The following ARHGAP24 variants were observed in gnomAD, a reference collection of about 807,000 sequenced individuals.
The protein encoded by ARHGAP24 is rho GTPase-activating protein 24.
A neutral mutation model predicts 76.4 loss-of-function variants in ARHGAP24; 50 were observed. The ratio of observed to expected loss-of-function variants is 0.65; its 90% CI spans 0.52 to 0.83. The LOEUF (loss-of-function observed/expected upper bound fraction) is 0.83, where lower values mean the gene tolerates loss of function less well. Ranked by LOEUF, ARHGAP24 falls within the 40% of genes least tolerant of loss-of-function variation. The pLI is 0.00. For synonymous variants in ARHGAP24, 345 were observed against 323.3 expected (o/e 1.07, Z -0.72); for missense variants, 930 against 914.2 (o/e 1.02, Z -0.22).
At chr4:85,577,455 G>A (rs1225687622) in intron 2 of ARHGAP24, among the ~76,000 whole-genome samples, 1 of 152,138 alleles carries the variant, frequency 6.6e-6, no homozygotes, top group Non-Finnish European at 1.5e-5. Flanking sequence ...GACCAGACAT[G>A]GTAGTGGCCC....
intron 2 of ARHGAP24, among the ~76,000 whole-genome samples, chr4:85,595,351 A>G (rs561200782): frequency 2.6e-5 from 4 of 152,188 alleles, no homozygotes; most frequent in African/African-American, 9.6e-5. Flanking sequence ...CTAGAAAGTG[A>G]TAACATAAAG....
chr4:85,824,584 A>G (rs1729625067), intron 3 of ARHGAP24, among the ~76,000 whole-genome samples: 1 of 152,166 alleles, frequency 6.6e-6, no homozygotes, highest in Non-Finnish European at 1.5e-5. Flanking sequence ...CACTGATTGC[A>G]AATGTCGACC....
At chr4:85,595,024 A>C (rs1026002990) in intron 2 of ARHGAP24, among the ~76,000 whole-genome samples, 1 of 150,462 alleles carries the variant, frequency 6.6e-6, no homozygotes, top group Non-Finnish European at 1.5e-5. Context: ...TCCCTTCACC[A>C]TATTGCTATT....
intron 3 of ARHGAP24, among the ~76,000 whole-genome samples, chr4:85,818,500 A>G (rs1729337338): frequency 1.3e-5 from 2 of 152,214 alleles, no homozygotes; most frequent in Non-Finnish European, 2.9e-5. Flanking sequence ...TCTGAGGTCA[A>G]ATAGGTTCTT....
At chr4:85,789,066 G>C (rs1727994007) in intron 3 of ARHGAP24, among the ~76,000 whole-genome samples, 1 of 152,000 alleles carries the variant, frequency 6.6e-6, no homozygotes, top group South Asian at 2.1e-4. Flanking sequence ...CTCCAGCATA[G>C]GGTCTGGTCT....
At chr4:85,631,317 A>G (rs926839714) in intron 2 of ARHGAP24, among the ~76,000 whole-genome samples, 4 of 152,154 alleles carry the variant, frequency 2.6e-5, no homozygotes, top group Non-Finnish European at 4.4e-5. Flanking sequence ...AAAAGAGTCA[A>G]TTATTATGTT....
chr4:85,729,122 A>G (rs1725290544), intron 3 of ARHGAP24, among the ~76,000 whole-genome samples: 1 of 151,434 alleles, frequency 6.6e-6, no homozygotes, highest in Non-Finnish European at 1.5e-5. Context: ...AGCTGTGACA[A>G]TCTCTTTTTT....
At chr4:85,497,821 GA>G (rs1718293189) in intron 1 of ARHGAP24, among the ~76,000 whole-genome samples, 1 of 151,740 alleles carries the variant, frequency 6.6e-6, no homozygotes, top group Admixed American at 6.6e-5. Context: ...ACTCAGTCTG[GA>G]AAAAAACAAA....
chr4:85,634,857 C>T (rs1468217418), intron 2 of ARHGAP24, among the ~76,000 whole-genome samples: 6 of 151,760 alleles, frequency 4.0e-5, no homozygotes, highest in Admixed American at 3.3e-4. Context: ...ATTCTCTTTT[C>T]CTGTGATTAA....
chr4:85,530,996 C>T (rs1453783480), intron 1 of ARHGAP24, among the ~76,000 whole-genome samples: 1 of 151,974 alleles, frequency 6.6e-6, no homozygotes, highest in Non-Finnish European at 1.5e-5. Flanking sequence ...GTAATTTTCT[C>T]GAAACACAGA....
At chr4:85,532,524 C>A (rs1214478773) in intron 1 of ARHGAP24, among the ~76,000 whole-genome samples, 1 of 152,064 alleles carries the variant, frequency 6.6e-6, no homozygotes, top group Non-Finnish European at 1.5e-5. Flanking sequence ...TGGTATTGTA[C>A]AGCCATCATT....
Position 85,494,139 on chromosome 4 carries a change from A to C in ARHGAP24, c.-21+18580A>C, listed in dbSNP as rs966907341. On this transcript the variant is annotated intron_variant, in intron 1 of 9. Transcript: ENST00000395184. ...TATGAAAATGAAGCCTCATATTTCT[A>C]TCATGTTTTCTTTTTTTTCTTTATT... Among the ~76,000 whole-genome samples the C allele has an allele frequency of 4.6e-5, 7 of 152,256 alleles. No individual in the cohort carries two copies. The Middle Eastern group carries it at 0.017, about 370-fold the overall frequency.
chr4:85,499,408 A>G (rs35168587), intron 1 of ARHGAP24, among the ~76,000 whole-genome samples: 1 of 152,230 alleles, frequency 6.6e-6, no homozygotes, highest in Non-Finnish European at 1.5e-5. Flanking sequence ...GCAAGCATTC[A>G]CATGGCTTTA....
intron 1 of ARHGAP24, among the ~76,000 whole-genome samples, chr4:85,562,360 A>T (rs1410088724): frequency 4.6e-5 from 7 of 152,154 alleles, no homozygotes; most frequent in Admixed American, 4.6e-4. Flanking sequence ...TCTACAGAGT[A>T]GGCACTCCAT....
chr4:85,511,503 G>A (rs1360639167), intron 1 of ARHGAP24, among the ~76,000 whole-genome samples: 3 of 151,750 alleles, frequency 2.0e-5, no homozygotes, highest in Non-Finnish European at 4.4e-5. Flanking sequence ...TGTTCTTGTT[G>A]CCCAGCTGGA....
chr4:85,657,214 T>C (rs1398034134), intron 2 of ARHGAP24, among the ~76,000 whole-genome samples: 1 of 152,184 alleles, frequency 6.6e-6, no homozygotes, highest in African/African-American at 2.4e-5. Context: ...GCCTTAACTT[T>C]TGTGGCTGTA....
intron 5 of ARHGAP24, among the ~76,000 whole-genome samples, chr4:85,953,154 A>G (rs1282356855): frequency 1.3e-5 from 2 of 152,174 alleles, no homozygotes; most frequent in African/African-American, 4.8e-5. Flanking sequence ...AGGAGCAAGG[A>G]CAGAGGCTTC....
intron 1 of ARHGAP24, among the ~76,000 whole-genome samples, chr4:85,490,197 C>T (rs192203485): frequency 1.4e-4 from 21 of 152,110 alleles, no homozygotes; most frequent in African/African-American, 5.1e-4. Flanking sequence ...TTGTATTAGC[C>T]TGAGATATGC....
At chr4:85,543,674 T>C (rs1441710929) in intron 1 of ARHGAP24, among the ~76,000 whole-genome samples, 3 of 152,228 alleles carry the variant, frequency 2.0e-5, no homozygotes, top group Admixed American at 2.0e-4. Context: ...AATTGGAAAT[T>C]GGCTACTTGT....
Sources: gnomAD v4.1 joint callset for allele counts (sites outside exome capture counted in the v4.1 genomes callset) on GRCh38, gnomAD v4.1.1 for gene constraint, MANE v1.5 for transcripts, NCBI Gene and HGNC (gene_info 2026-07-23, HGNC 2026-07-21) for gene names.